Variants in NAP1L4 observed in about 807,000 individuals in gnomAD.
NAP1L4 encodes nucleosome assembly protein 1 like 4, also known as nucleosome assembly protein 1-like 4.
A neutral mutation model predicts 58.2 loss-of-function variants in NAP1L4; 15 were observed. That is an observed-to-expected ratio of 0.26 (90% CI 0.17 to 0.40). The LOEUF (loss-of-function observed/expected upper bound fraction) is 0.40. Ranked by LOEUF, NAP1L4 falls within the 10% of genes least tolerant of loss-of-function variation. The pLI, the probability that NAP1L4 is intolerant of heterozygous loss-of-function variation, is 1.00. For missense variants in NAP1L4, 384 were observed against 451.1 expected, an observed-to-expected ratio of 0.85 and a Z score of 1.35; for synonymous variants, 171 against 155.6, an observed-to-expected ratio of 1.10 and a Z score of -0.74.
In NAP1L4 at chr11:2,975,902, T is replaced by C. The variant is rs140496631; in HGVS notation, c.173+122A>G. The C allele has an allele frequency of 3.6e-3, 3,120 of 859,520 alleles. 7 individuals carry two copies. The highest frequency in any genetic ancestry group is 4.5e-3 in the Non-Finnish European group (2,541 of 567,106). 53.2% of individuals were successfully genotyped at this position (859,520 alleles called of 1,614,324 possible). The stretch of plus-strand genomic sequence containing the variant: ...CTCATATCCCAGTGCCTGTCTCTCA[T>C]AGACAATGTCTTGGAACGAAAAAAA... On this transcript the variant is annotated intron_variant, in intron 4 of 15. Transcript: ENST00000380542.
Position 2,951,189 on chromosome 11 carries a change from T to G in NAP1L4, c.1122+70A>C. 8.1e-7 allele frequency: 1 copy of G among 1,228,622 alleles called. No individual in the cohort carries two copies. Among genetic ancestry groups the G allele is most frequent in the Non-Finnish European group, 1.2e-6 (1 of 841,282 alleles). 76.1% of individuals were successfully genotyped at this position (1,228,622 alleles called of 1,614,324 possible). The stretch of plus-strand genomic sequence containing the variant: ...TATTGTTAACACTACTGCCTCAAAG[T>G]GGGGAACATTTTTAAAAGTCTAAGA... On this transcript the variant is annotated intron_variant, in intron 14 of 15. Coordinates refer to ENST00000380542, the MANE Select transcript of NAP1L4 (RefSeq NM_005969.4). The surrounding 1 kb of genome is among the most constrained non-coding windows in gnomAD (Gnocchi z 4.0).
chr11:2,976,716 C>T (rs7935810), intron 3 of NAP1L4, among the ~76,000 whole-genome samples: 41,988 of 152,130 alleles, frequency 0.28, 6,432 homozygotes, highest in African/African-American at 0.4. Context: ...CCACTTAGGG[C>T]TAACCTACAT....
chr11:2,971,841 CCTCT>C lies in NAP1L4; in HGVS notation c.315+257_315+260del, dbSNP rs78522496. On this transcript the variant is annotated intron_variant, in intron 5 of 15. Coordinates refer to ENST00000380542, the MANE Select transcript of NAP1L4 (RefSeq NM_005969.4). The surrounding 1 kb of genome is among the most constrained non-coding windows in gnomAD (Gnocchi z 4.2). ...GGCACCAATACAGCCACACTGTGTT[CCTCT>C]CTCTGTGTAGGGTTCAATACATTAC... Among the ~76,000 whole-genome samples, 23,253 of 152,100 alleles carry C rather than the reference CCTCT, an allele frequency of 0.15. 1,828 individuals are homozygous for C. The highest frequency in any genetic ancestry group is 0.18 in the Middle Eastern group (53 of 294).
At chr11:2,945,933 G>C (rs536364418) in intron 15 of NAP1L4, among the ~76,000 whole-genome samples, 1 of 152,226 alleles carries the variant, frequency 6.6e-6, no homozygotes, top group African/African-American at 2.4e-5. Flanking sequence ...TGGAGCTCCA[G>C]GGGCCTGCCC....
chr11:2,958,348 A>C, intron 10 of NAP1L4, 51 bp downstream of exon 10: 2 of 1,600,064 alleles, frequency 1.2e-6, no homozygotes, highest in Non-Finnish European at 1.7e-6. Context: ...TCAGGTGACC[A>C]AAATTATTTT....
At chr11:2,978,178 T>C in intron 3 of NAP1L4, 106 bp downstream of exon 3, 1 of 1,077,412 alleles carries the variant, frequency 9.3e-7, no homozygotes. Flanking sequence ...CTAGCTTTCC[T>C]AAAACCACTG....
At chr11:2,957,058 C>T (rs923768067) in intron 10 of NAP1L4, among the ~76,000 whole-genome samples, 11 of 151,766 alleles carry the variant, frequency 7.2e-5, no homozygotes, top group Non-Finnish European at 1.3e-4. Flanking sequence ...ACCATCATAC[C>T]CTAAAAGTTT....
chr11:2,962,607 A>G (rs2133941372), intron 8 of NAP1L4, among the ~76,000 whole-genome samples: 1 of 152,324 alleles, frequency 6.6e-6, no homozygotes, highest in South Asian at 2.1e-4. Flanking sequence ...ACAGATTTGT[A>G]TAGTGTTCTT....
At chr11:2,945,721 A>C in intron 15 of NAP1L4, 75 bp from the exon 16 acceptor site, 1 of 1,228,630 alleles carries the variant, frequency 8.1e-7, no homozygotes, top group East Asian at 2.6e-5. Context: ...TCAACAATGA[A>C]AGCCAAGACT....
At chr11:2,991,194 A>C (rs757307648) in intron 1 of NAP1L4, 1 of 454,854 alleles carries the variant, frequency 2.2e-6, no homozygotes, top group South Asian at 1.5e-5. Context: ...CCAAGGCTGG[A>C]GTCCCCTTTA....
chr11:2,958,280 C>T, intron 10 of NAP1L4, 119 bp downstream of exon 10: 1 of 1,048,716 alleles, frequency 9.5e-7, no homozygotes, highest in Non-Finnish European at 1.5e-6. Flanking sequence ...CAATGTGCCC[C>T]TACTGACCAC....
rs772561305 is a variant in NAP1L4 at position 2,959,941 on chromosome 11, T to A, written c.607-32A>T. The A allele has an allele frequency of 6.2e-7, 1 of 1,609,800 alleles. No homozygotes were observed. The highest frequency in any genetic ancestry group is 8.5e-7 in the Non-Finnish European group (1 of 1,177,478). ...GTAGAAATTCAGAGTAAGCACCAGTTAAAATAGAAAAATAACGAGGACAGA... is the reference window on the plus strand; with the variant it reads ...GTAGAAATTCAGAGTAAGCACCAGTAAAAATAGAAAAATAACGAGGACAGA... On this transcript the variant is annotated intron_variant, in intron 8 of 15. Coordinates refer to ENST00000380542, the MANE Select transcript of NAP1L4 (RefSeq NM_005969.4). This position sits in a 1 kb window ranked among gnomAD's most constrained non-coding sequence, Gnocchi z 4.9.
At chr11:2,957,752 A>G (rs1424364819) in intron 10 of NAP1L4, among the ~76,000 whole-genome samples, 1 of 152,246 alleles carries the variant, frequency 6.6e-6, no homozygotes, top group Non-Finnish European at 1.5e-5. Context: ...AAATAAATAA[A>G]TAAACAAAAA....
Position 2,963,291 on chromosome 11 carries a change from G to C in NAP1L4, c.606+1389C>G, listed in dbSNP as rs571139060. ...CCGCACGCTCACACCATGGGGAAGA[G>C]AATGCACACCAACGAGGGCAAACTA... On this transcript the variant is annotated intron_variant, in intron 8 of 15. Transcript: ENST00000380542. Among the ~76,000 whole-genome samples, 39 of 152,256 alleles carry C rather than the reference G, an allele frequency of 2.6e-4. No homozygotes were observed. The South Asian group carries it at 4.6e-3, about 18-fold the overall frequency.
In NAP1L4 at chr11:2,948,152, T is replaced by G. The variant is rs1012177950; in HGVS notation, c.*32+1075A>C. On this transcript the variant is annotated intron_variant, in intron 15 of 15. Transcript: ENST00000380542. This position sits in a 1 kb window ranked among gnomAD's most constrained non-coding sequence, Gnocchi z 5.1. ...AACAGGAATTAATGGCAGCTAGACA[T>G]AATTTTAAACATACAGCCATATTCT... Among the ~76,000 whole-genome samples, 1 of 152,202 alleles carries G rather than the reference T, an allele frequency of 6.6e-6. No individual in the cohort carries two copies. The highest frequency in any genetic ancestry group is 6.5e-5 in the Admixed American group (1 of 15,292).
intron 7 of NAP1L4, among the ~76,000 whole-genome samples, chr11:2,967,608 TAAA>T (rs36005224): frequency 5.1e-5 from 6 of 118,344 alleles, no homozygotes; most frequent in Non-Finnish European, 3.6e-5. Flanking sequence ...GAGACTCCGT[TAAA>T]AAAAAAAAAA....
rs1286625113 is a variant in NAP1L4 at position 2,954,338 on chromosome 11, C to CTGT, written c.1035+186_1035+188dup. Reference sequence around the variant, plus strand: ...TTCACAGACACCTGCTTTTCCTGCTCTGTTCCTCAGACTTCTCCTCTTCAA... The same window carrying CTGT: ...TTCACAGACACCTGCTTTTCCTGCTCTGTTGTTCCTCAGACTTCTCCTCTTCAA... On this transcript the variant is annotated intron_variant, in intron 12 of 15. Coordinates refer to ENST00000380542, the MANE Select transcript of NAP1L4 (RefSeq NM_005969.4). The surrounding 1 kb of genome is among the most constrained non-coding windows in gnomAD (Gnocchi z 4.8). The CTGT allele has an allele frequency of 7.0e-6, 6 of 851,796 alleles. No individual in the cohort carries two copies. Among genetic ancestry groups the CTGT allele is most frequent in the Non-Finnish European group, 1.1e-5 (6 of 533,474 alleles). 52.8% of individuals were successfully genotyped at this position (851,796 alleles called of 1,614,324 possible).
chr11:2,990,890 G>A (rs918118894), intron 1 of NAP1L4: 2 of 334,986 alleles, frequency 6.0e-6, no homozygotes, highest in African/African-American at 2.2e-5. Flanking sequence ...CAGGAAGGTA[G>A]TAACTTAGAA....
chr11:2,971,563 T>C lies in NAP1L4; in HGVS notation c.316-29A>G. 6.3e-7 allele frequency: 1 copy of C among 1,578,986 alleles called. No individual in the cohort carries two copies. Among genetic ancestry groups the C allele is most frequent in the Non-Finnish European group, 8.7e-7 (1 of 1,152,402 alleles). On this transcript the variant is annotated intron_variant, in intron 5 of 15. Coordinates refer to ENST00000380542, the MANE Select transcript of NAP1L4 (RefSeq NM_005969.4). This position sits in a 1 kb window ranked among gnomAD's most constrained non-coding sequence, Gnocchi z 4.2. ...CATAAAAATGAGACCTTATTAGAAT[T>C]ATGTTATTAGCTTACTTAGGAACTC...
Sources: gnomAD v4.1 joint callset for allele counts (sites outside exome capture counted in the v4.1 genomes callset) on GRCh38, gnomAD v4.1.1 for gene constraint, Gnocchi (gnomAD v3.1) non-coding constraint, MANE v1.5 for transcripts, NCBI Gene and HGNC (gene_info 2026-07-23, HGNC 2026-07-21) for gene names.